Variants in TFAP2D observed in about 807,000 individuals in gnomAD.
The protein encoded by TFAP2D is transcription factor AP-2-delta.
Under a neutral mutation model 43.6 loss-of-function variants are expected in TFAP2D, and 9 were observed. The ratio of observed to expected loss-of-function variants is 0.21; its 90% CI spans 0.12 to 0.36. The LOEUF (loss-of-function observed/expected upper bound fraction) is 0.36. TFAP2D is among the 10% of genes least tolerant of loss of function. The pLI is 1.00. For synonymous variants in TFAP2D, 256 were observed against 224.9 expected (o/e 1.14, Z -1.24); for missense variants, 513 against 561.4 (o/e 0.91, Z 0.87).
Position 50,715,325 on chromosome 6 carries a change from G to T in TFAP2D, c.249G>T (p.Pro83=), listed in dbSNP as rs906099112. The part of the protein sequence containing the change: ...SFHYEFQHSH[P]AVTPDAYSLN... ...ATTACGAGTTTCAGCACAGCCACCC[G>T]GCCGTCACCCCCGACGCCTACTCTC... Residue 83 remains proline, a synonymous_variant, in exon 2 of 8, where the codon CCG becomes CCT. Transcript: ENST00000008391. The T allele has an allele frequency of 3.1e-6, 5 of 1,613,980 alleles. No individual in the cohort carries two copies. In the Admixed American group the frequency reaches 6.7e-5, roughly 22 times the overall value.
chr6:50,767,098 T>A, intron 7 of TFAP2D, among the ~76,000 whole-genome samples: 1 of 152,246 alleles, frequency 6.6e-6, no homozygotes, highest in East Asian at 1.9e-4. Flanking sequence ...TCTTCAGGAT[T>A]TTCTAAAATC....
intron 7 of TFAP2D, among the ~76,000 whole-genome samples, chr6:50,770,523 G>T (rs1769512846): frequency 6.6e-6 from 1 of 152,036 alleles, no homozygotes; most frequent in South Asian, 2.1e-4. Flanking sequence ...CCTCTACCCA[G>T]AAAATATACC....
At position 50,772,949 on chromosome 6, in the gene TFAP2D, A is replaced by C; in HGVS notation, c.*85A>C. On this transcript the variant is annotated 3_prime_UTR_variant, in exon 8 of 8. Transcript: ENST00000008391. ...ATATCATTGAGGGTGACTAATCTTC[A>C]GTGGACCAAATCTCTACCCTTCCCC... 1 of 1,276,454 alleles carries C rather than the reference A, an allele frequency of 7.8e-7. No individual in the cohort carries two copies. The highest frequency in any genetic ancestry group is 1.1e-6 in the Non-Finnish European group (1 of 919,800). The allele number at this position is 1,276,454 out of a possible 1,614,324, so 79.1% of individuals were successfully genotyped here.
At chr6:50,737,478 A>G (rs1368946748) in intron 5 of TFAP2D, among the ~76,000 whole-genome samples, 3 of 152,220 alleles carry the variant, frequency 2.0e-5, no homozygotes, top group Admixed American at 1.3e-4. Context: ...TAAATAAATA[A>G]TACAAACAAA....
chr6:50,739,163 C>T (rs1284491781), intron 5 of TFAP2D, among the ~76,000 whole-genome samples: 4 of 152,208 alleles, frequency 2.6e-5, no homozygotes, highest in South Asian at 4.1e-4. Flanking sequence ...TGTTGGTGTG[C>T]TGCACCCATT....
At chr6:50,732,874 C>T (rs1026301635) in intron 5 of TFAP2D, among the ~76,000 whole-genome samples, 9 of 151,992 alleles carry the variant, frequency 5.9e-5, no homozygotes, top group Non-Finnish European at 1.2e-4. Context: ...TTTTAAAAAT[C>T]ATTTTTCCTA....
chr6:50,720,956 A>C (rs1374584789), intron 3 of TFAP2D, among the ~76,000 whole-genome samples: 2 of 152,224 alleles, frequency 1.3e-5, no homozygotes, highest in Admixed American at 1.3e-4. Context: ...AGAGGGTGGA[A>C]TTACTTGAGG....
At chr6:50,771,520 G>A (rs1335296398) in intron 7 of TFAP2D, among the ~76,000 whole-genome samples, 1 of 152,202 alleles carries the variant, frequency 6.6e-6, no homozygotes, top group East Asian at 1.9e-4. Flanking sequence ...AGCCAATTAT[G>A]ATTTCTTCAT....
intron 7 of TFAP2D, among the ~76,000 whole-genome samples, chr6:50,763,277 T>C (rs2113893179): frequency 6.6e-6 from 1 of 152,142 alleles, no homozygotes; most frequent in Admixed American, 6.6e-5. Flanking sequence ...TCCAGCAGAG[T>C]GGGATTAATG....
In TFAP2D at chr6:50,734,557, T is replaced by C. The variant is rs115142627; in HGVS notation, c.883+5245T>C. ...CAGAATTCTTCCATCCATAGCTTAC[T>C]CTGCCTAAGTCTTAGGAATCCTATT... On this transcript the variant is annotated intron_variant, in intron 5 of 7. Transcript: ENST00000008391. 4.4e-3 allele frequency among the ~76,000 whole-genome samples: 664 copies of C among 152,230 alleles called. 10 individuals are homozygous for C. Among genetic ancestry groups the C allele is most frequent in the African/African-American group, 0.015 (616 of 41,558 alleles).
chr6:50,715,336 C>A lies in TFAP2D; in HGVS notation c.260C>A (p.Pro87His), dbSNP rs199912050. ...CAGCACAGCCACCCGGCCGTCACCC[C>A]CGACGCCTACTCTCTGAACTCTCTC... is the stretch of plus-strand genomic sequence containing the variant. ...EFQHSHPAVT[P>H]DAYSLNSLHH... The change falls in exon 2 of 8, where the codon CCC (proline) becomes CAC (histidine). Residue 87 changes from proline (P) to histidine (H), a missense_variant. Pro to His is a moderately conservative substitution (Grantham distance 77, BLOSUM62 -2). Transcript: ENST00000008391. 9.9e-6 allele frequency: 16 copies of A among 1,614,052 alleles called. No individual in the cohort carries two copies. The highest frequency in any genetic ancestry group is 1.4e-5 in the Non-Finnish European group (16 of 1,180,046).
intron 6 of TFAP2D, among the ~76,000 whole-genome samples, chr6:50,749,473 C>T (rs1769169741): frequency 6.6e-6 from 1 of 151,728 alleles, no homozygotes; most frequent in African/African-American, 2.4e-5. Flanking sequence ...AGTCTAAAAA[C>T]AACACCAATC....
chr6:50,717,647 C>A (rs1009547311), intron 2 of TFAP2D, among the ~76,000 whole-genome samples: 1 of 152,110 alleles, frequency 6.6e-6, no homozygotes, highest in African/African-American at 2.4e-5. Flanking sequence ...ACGTTTATAC[C>A]TTTACATAGA....
intron 7 of TFAP2D, among the ~76,000 whole-genome samples, chr6:50,758,756 G>A (rs926270637): frequency 5.9e-5 from 9 of 151,820 alleles, no homozygotes; most frequent in Non-Finnish European, 8.8e-5. Flanking sequence ...CATCAACGGC[G>A]GGCAGTTTTC....
intron 7 of TFAP2D, among the ~76,000 whole-genome samples, chr6:50,757,445 C>CTATATATATATAATATATATAA (rs1561940189): frequency 0.025 from 1,864 of 74,244 alleles, 279 homozygotes; most frequent in East Asian, 0.039. Context: ...AATATATATA[C>CTATATATATATAATATATATAA]TTATTCTATA....
chr6:50,770,854 CT>C (rs1769516805), intron 7 of TFAP2D, among the ~76,000 whole-genome samples: 1 of 151,936 alleles, frequency 6.6e-6, no homozygotes, highest in Non-Finnish European at 1.5e-5. Flanking sequence ...CAGTTAATGG[CT>C]TTATTAAATG....
intron 3 of TFAP2D, among the ~76,000 whole-genome samples, chr6:50,722,572 C>G (rs1305056074): frequency 1.3e-5 from 2 of 151,938 alleles, no homozygotes; most frequent in Non-Finnish European, 2.9e-5. Flanking sequence ...TGCCAGACAC[C>G]GGTCCCTTTC....
chr6:50,770,027 T>C (rs183379048), intron 7 of TFAP2D, among the ~76,000 whole-genome samples: 16 of 152,288 alleles, frequency 1.1e-4, no homozygotes, highest in Non-Finnish European at 2.9e-5. Flanking sequence ...CATGCCAATA[T>C]AGAAGAAAAT....
intron 7 of TFAP2D, among the ~76,000 whole-genome samples, chr6:50,761,538 T>A (rs1769364558): frequency 6.6e-6 from 1 of 152,014 alleles, no homozygotes; most frequent in African/African-American, 2.4e-5. Flanking sequence ...GTTTGCTTAG[T>A]AGGTAGAAAG....
Sources: gnomAD v4.1 joint callset for allele counts (sites outside exome capture counted in the v4.1 genomes callset) on GRCh38, gnomAD v4.1.1 for gene constraint, MANE v1.5 for transcripts, NCBI Gene and HGNC (gene_info 2026-07-23, HGNC 2026-07-21) for gene names.